Variants in TRAPPC3 observed in about 807,000 individuals in gnomAD.
The protein encoded by TRAPPC3 is trafficking protein particle complex subunit 3, also known as trafficking protein particle complex 3.
In TRAPPC3, 5 loss-of-function variants were observed where a neutral mutation model predicts 18.2. That is an observed-to-expected ratio of 0.28 (90% CI 0.14 to 0.58). The LOEUF is 0.58. Among genes scored for constraint, TRAPPC3 ranks in the 20% least tolerant of loss-of-function variants. The pLI is 0.91. For synonymous variants in TRAPPC3, 65 were observed against 84.2 expected (o/e 0.77, Z 1.25); for missense variants, 176 against 225.9 (o/e 0.78, Z 1.41).
chr1:36,138,965 G>A (rs1557757263), intron 3 of TRAPPC3, among the ~76,000 whole-genome samples: 1 of 145,070 alleles, frequency 6.9e-6, no homozygotes, highest in Non-Finnish European at 1.5e-5. Context: ...GAACCCGGGG[G>A]GCGGAGGTTG....
At chr1:36,154,095 C>T (rs1438538531), upstream of TRAPPC3, among the ~76,000 whole-genome samples, 1 of 152,200 alleles carries the variant, frequency 6.6e-6, no homozygotes, top group Non-Finnish European at 1.5e-5. Context: ...ACCTCCGCCT[C>T]TGGGGTTCAA....
At chr1:36,144,204 C>T (rs1290788794) in intron 1 of TRAPPC3, among the ~76,000 whole-genome samples, 1 of 149,216 alleles carries the variant, frequency 6.7e-6, no homozygotes, top group Admixed American at 6.8e-5. Flanking sequence ...AGGAGAATTG[C>T]TTGAACCCAG....
At chr1:36,148,660 C>T (rs1194785364) in intron 1 of TRAPPC3, among the ~76,000 whole-genome samples, 1 of 152,156 alleles carries the variant, frequency 6.6e-6, no homozygotes, top group African/African-American at 2.4e-5. Flanking sequence ...CCTAGTCCAA[C>T]TTTATAGGAC....
In TRAPPC3 at chr1:36,139,720, C is replaced by G. The variant is rs776029100; in HGVS notation, c.240G>C (p.Lys80Asn). ...TGGACAGGTGGCCCAGAATAATGACCTTGGCAATGACATCCGCAGTTTCCC... is the reference window on the plus strand; with the variant it reads ...TGGACAGGTGGCCCAGAATAATGACGTTGGCAATGACATCCGCAGTTTCCC... ...DFRETADVIA[K>N]VAFKMYLGIT... is the part of the protein sequence containing the mutation. The change falls in exon 3 of 5, where the codon AAG (lysine) becomes AAC (asparagine). Residue 80 changes from lysine (K) to asparagine (N), a missense_variant and splice_region_variant. Coordinates refer to ENST00000373166, the MANE Select transcript of TRAPPC3 (RefSeq NM_014408.5). The G allele has an allele frequency of 6.2e-7, 1 of 1,614,112 alleles. No homozygotes were observed. The highest frequency in any genetic ancestry group is 1.7e-5 in the Admixed American group (1 of 60,020).
At chr1:36,141,143 G>A (rs1055683700) in intron 1 of TRAPPC3, 2 of 136,938 alleles carry the variant, frequency 1.5e-5, no homozygotes, top group African/African-American at 5.1e-5. Context: ...GGGCGACAGA[G>A]CAAGACTCTG....
intron 1 of TRAPPC3, among the ~76,000 whole-genome samples, chr1:36,155,123 G>A (rs553107754): frequency 6.6e-6 from 1 of 152,372 alleles, no homozygotes; most frequent in Admixed American, 6.5e-5. Context: ...TGAAGAACTA[G>A]AGAACTGACC....
At chr1:36,146,501 G>C (rs1357521432) in intron 1 of TRAPPC3, among the ~76,000 whole-genome samples, 1 of 148,836 alleles carries the variant, frequency 6.7e-6, no homozygotes, top group Non-Finnish European at 1.5e-5. Flanking sequence ...TTTCACCCTG[G>C]TCTCCATCTC....
intron 1 of TRAPPC3, among the ~76,000 whole-genome samples, chr1:36,144,573 G>C (rs1029627833): frequency 6.6e-6 from 1 of 152,134 alleles, no homozygotes; most frequent in Non-Finnish European, 1.5e-5. Context: ...AGGATGGCTC[G>C]AGCCTGAGAA....
chr1:36,155,667 C>T (rs1406250089), intron 1 of TRAPPC3: 1 of 152,508 alleles, frequency 6.6e-6, no homozygotes, highest in African/African-American at 2.4e-5. Context: ...AAAGCGAAAC[C>T]CTTTCAGGGG....
chr1:36,139,593 G>T, intron 3 of TRAPPC3, 127 bp downstream of exon 3: 1 of 1,284,138 alleles, frequency 7.8e-7, no homozygotes, highest in Non-Finnish European at 1.1e-6. Flanking sequence ...ATGTTTTTTT[G>T]ACCCAAAGAG....
intron 1 of TRAPPC3, 191 bp downstream of exon 1, chr1:36,149,146 T>C (rs753509722): frequency 2.7e-5 from 40 of 1,455,546 alleles, no homozygotes; most frequent in Non-Finnish European, 3.3e-5. Flanking sequence ...GGGCGGGGTC[T>C]CCTCCGGGGA....
chr1:36,146,073 C>T lies in TRAPPC3; in HGVS notation c.42+3264G>A, dbSNP rs549421174. On this transcript the variant is annotated intron_variant, in intron 1 of 4. Coordinates refer to ENST00000373166, the MANE Select transcript of TRAPPC3 (RefSeq NM_014408.5). ...GATTACAGGCGTGAGCCACAGCACC[C>T]GGCCTTTTTATTTTATTTATTATTT... Among the ~76,000 whole-genome samples the T allele has an allele frequency of 1.4e-4, 21 of 151,768 alleles. No individual in the cohort carries two copies. In the East Asian group the frequency reaches 2.9e-3, roughly 21 times the overall value.
At chr1:36,145,713 C>A (rs1457701132) in intron 1 of TRAPPC3, among the ~76,000 whole-genome samples, 2 of 152,222 alleles carry the variant, frequency 1.3e-5, no homozygotes, top group East Asian at 3.8e-4. Flanking sequence ...GCTAGCTTTA[C>A]ATGCATTCTC....
At chr1:36,152,834 T>C (rs1644281220), upstream of TRAPPC3, among the ~76,000 whole-genome samples, 2 of 152,082 alleles carry the variant, frequency 1.3e-5, no homozygotes, top group South Asian at 4.1e-4. Flanking sequence ...GTATTTTTGG[T>C]GGAGACAGGG....
At chr1:36,155,014 C>T (rs536248433) in intron 1 of TRAPPC3, among the ~76,000 whole-genome samples, 57 of 152,324 alleles carry the variant, frequency 3.7e-4, no homozygotes, top group African/African-American at 1.4e-3. Flanking sequence ...CACTCTATCC[C>T]TCCAAATGGC....
At chr1:36,149,053 T>A in intron 1 of TRAPPC3, 2 of 1,272,150 alleles carry the variant, frequency 1.6e-6, no homozygotes, top group Non-Finnish European at 2.0e-6. Flanking sequence ...CAACACATAG[T>A]AAGAGAGAAG....
chr1:36,143,345 T>C (rs1644144612), intron 1 of TRAPPC3, among the ~76,000 whole-genome samples: 1 of 152,224 alleles, frequency 6.6e-6, no homozygotes, highest in Non-Finnish European at 1.5e-5. Context: ...AGATAGCTGG[T>C]CTAGAAAAAA....
chr1:36,155,021 T>C (rs1644305530), intron 1 of TRAPPC3, among the ~76,000 whole-genome samples: 1 of 152,122 alleles, frequency 6.6e-6, no homozygotes, highest in African/African-American at 2.4e-5. Context: ...TCCCTCCAAA[T>C]GGCCGCTTTC....
At chr1:36,145,741 C>A (rs1021893656) in intron 1 of TRAPPC3, among the ~76,000 whole-genome samples, 1 of 152,192 alleles carries the variant, frequency 6.6e-6, no homozygotes, top group African/African-American at 2.4e-5. Flanking sequence ...ATCCTCAGAA[C>A]AACCCTATAA....
Sources: gnomAD v4.1 joint callset for allele counts (sites outside exome capture counted in the v4.1 genomes callset) on GRCh38, gnomAD v4.1.1 for gene constraint, MANE v1.5 for transcripts, NCBI Gene and HGNC (gene_info 2026-07-23, HGNC 2026-07-21) for gene names.